ADCY2: variants seen among roughly 807,000 people sequenced by gnomAD.
The protein encoded by ADCY2 is adenylate cyclase type 2.
ADCY2 carries 31 observed loss-of-function variants against 125.2 expected under a neutral mutation model. That is an observed-to-expected ratio of 0.25 (90% CI 0.19 to 0.33). The LOEUF is 0.33. Ranked by LOEUF, ADCY2 falls within the 10% of genes least tolerant of loss-of-function variation. The pLI is 1.00. For missense variants in ADCY2, 904 were observed against 1,418.2 expected, an observed-to-expected ratio of 0.64 and a Z score of 5.82; for synonymous variants, 512 against 548.4, an observed-to-expected ratio of 0.93 and a Z score of 0.93.
intron 1 of ADCY2, among the ~76,000 whole-genome samples, chr5:7,410,597 C>T (rs553348376): frequency 2.8e-4 from 42 of 152,014 alleles, no homozygotes; most frequent in African/African-American, 9.2e-4. Flanking sequence ...AAGGCATTTT[C>T]GTACATTTCA....
chr5:7,490,207 G>A (rs1412893886), intron 2 of ADCY2, among the ~76,000 whole-genome samples: 2 of 152,052 alleles, frequency 1.3e-5, no homozygotes, highest in African/African-American at 2.4e-5. Flanking sequence ...ACTAGTAGGT[G>A]TTGTTTAATA....
At chr5:7,714,232 A>G (rs796584138) in intron 11 of ADCY2, among the ~76,000 whole-genome samples, 4 of 152,330 alleles carry the variant, frequency 2.6e-5, no homozygotes, top group African/African-American at 9.6e-5. Context: ...ATGCTGACAC[A>G]TCTATGAGCA....
At chr5:7,589,876 A>G (rs1736791569) in intron 3 of ADCY2, among the ~76,000 whole-genome samples, 1 of 152,176 alleles carries the variant, frequency 6.6e-6, no homozygotes, top group Admixed American at 6.5e-5. Flanking sequence ...TATTAAAGCC[A>G]TCCAATGAAG....
At chr5:7,693,413 G>GTTTTGTTTTTTTTTT (rs1740779550) in intron 5 of ADCY2, among the ~76,000 whole-genome samples, 60 of 32,412 alleles carry the variant, frequency 1.9e-3, no homozygotes, top group African/African-American at 3.6e-3. Flanking sequence ...GCTGTTTTTT[G>GTTTTGTTTTTTTTTT]TTTTTTTTTT....
chr5:7,484,063 T>C (rs1742835014), intron 2 of ADCY2, among the ~76,000 whole-genome samples: 1 of 152,202 alleles, frequency 6.6e-6, no homozygotes, highest in Non-Finnish European at 1.5e-5. Context: ...TAAATGATGC[T>C]CTTGTAAGAC....
intron 2 of ADCY2, among the ~76,000 whole-genome samples, chr5:7,429,014 C>CAG (rs3033090): frequency 0.016 from 2,446 of 149,858 alleles, 20 homozygotes; most frequent in African/African-American, 0.021. Flanking sequence ...AAGAGTTGCA[C>CAG]AGAGAGAGAG....
chr5:7,501,646 T>TTC (rs1743584514), intron 2 of ADCY2, among the ~76,000 whole-genome samples: 2 of 40,526 alleles, frequency 4.9e-5, no homozygotes, highest in African/African-American at 9.9e-5. Context: ...GATTCCCCCC[T>TTC]CCCCCCCCCC....
intron 3 of ADCY2, among the ~76,000 whole-genome samples, chr5:7,566,450 C>G (rs148828600): frequency 1.3e-5 from 2 of 151,962 alleles, no homozygotes; most frequent in Non-Finnish European, 2.9e-5. Flanking sequence ...GAGATACGAT[C>G]GAGCCACTGG....
intron 22 of ADCY2, among the ~76,000 whole-genome samples, chr5:7,816,016 C>T (rs983289344): frequency 6.6e-5 from 10 of 152,170 alleles, no homozygotes; most frequent in African/African-American, 1.7e-4. Flanking sequence ...TTGTGGGTGA[C>T]TGGGTCCTAA....
intron 11 of ADCY2, among the ~76,000 whole-genome samples, chr5:7,714,204 G>C (rs142632484): frequency 6.6e-6 from 1 of 152,324 alleles, no homozygotes; most frequent in South Asian, 2.1e-4. Context: ...AGACAGCACG[G>C]TGCCTCTGGC....
At chr5:7,525,443 T>G (rs1734424768) in intron 3 of ADCY2, among the ~76,000 whole-genome samples, 2 of 152,216 alleles carry the variant, frequency 1.3e-5, no homozygotes, top group African/African-American at 4.8e-5. Flanking sequence ...GAACAAGATC[T>G]TTCTGGCTGA....
chr5:7,642,388 A>G (rs1561140810), intron 4 of ADCY2, among the ~76,000 whole-genome samples: 1 of 151,888 alleles, frequency 6.6e-6, no homozygotes, highest in Non-Finnish European at 1.5e-5. Flanking sequence ...TTTGTTTGTT[A>G]AATTGTTTAA....
chr5:7,612,305 A>C (rs1353439372), intron 3 of ADCY2, among the ~76,000 whole-genome samples: 2 of 152,234 alleles, frequency 1.3e-5, no homozygotes, highest in East Asian at 3.8e-4. Context: ...CAATGAAATG[A>C]CAAAATAGTC....
chr5:7,736,980 C>G (rs1168093390), intron 14 of ADCY2, among the ~76,000 whole-genome samples: 1 of 152,038 alleles, frequency 6.6e-6, no homozygotes, highest in African/African-American at 2.4e-5. Flanking sequence ...CTCAATACTT[C>G]TAATGATAAA....
chr5:7,452,831 T>C (rs1331233324), intron 2 of ADCY2, among the ~76,000 whole-genome samples: 2 of 152,232 alleles, frequency 1.3e-5, no homozygotes, highest in African/African-American at 4.8e-5. Context: ...TGGCTTTAAT[T>C]TGCAGTTCCC....
intron 14 of ADCY2, among the ~76,000 whole-genome samples, chr5:7,731,225 A>G (rs751584897): frequency 8.1e-5 from 12 of 147,738 alleles, no homozygotes; most frequent in African/African-American, 1.5e-4. Flanking sequence ...TATTTTGCCT[A>G]TGGAATTTTG....
chr5:7,769,313 G>A (rs906759116), intron 17 of ADCY2, among the ~76,000 whole-genome samples: 8 of 152,004 alleles, frequency 5.3e-5, no homozygotes, highest in South Asian at 4.1e-4. Flanking sequence ...TGTAACACAC[G>A]ATAAGGTTAT....
intron 4 of ADCY2, among the ~76,000 whole-genome samples, chr5:7,678,575 T>C (rs1406157914): frequency 6.6e-6 from 1 of 152,186 alleles, no homozygotes; most frequent in Admixed American, 6.5e-5. Flanking sequence ...TATATACATC[T>C]TCCAATCAGT....
rs57381383 is a variant in ADCY2 at position 7,512,218 on chromosome 5, C to CAAAAAAAAAAAAAAAAAAAAAAAAAAAA, written c.409-8498_409-8497insAAAAAAAAAAAAAAAAAAAAAAAAAAAA. ...CCTGGGCAGTAGAGCATGACTCCAT[C>CAAAAAAAAAAAAAAAAAAAAAAAAAAAA]AAAAAAAAAAAAAAAAAAAAAAGAA... On this transcript the variant is annotated intron_variant, in intron 2 of 24. Coordinates refer to ENST00000338316, the MANE Select transcript of ADCY2 (RefSeq NM_020546.3). Among the ~76,000 whole-genome samples, 14 of 57,910 alleles carry CAAAAAAAAAAAAAAAAAAAAAAAAAAAA rather than the reference C, an allele frequency of 2.4e-4. 3 individuals carry two copies. The highest frequency in any genetic ancestry group is 1.5e-3 in the East Asian group (2 of 1,334). The allele number at this position is 57,910 out of a possible 152,430, so 38.0% of individuals were successfully genotyped here.
Sources: allele counts gnomAD v4.1 joint callset (sites outside exome capture counted in the v4.1 genomes callset), GRCh38; gene constraint gnomAD v4.1.1; transcripts MANE v1.5; gene names NCBI Gene and HGNC (gene_info 2026-07-23, HGNC 2026-07-21).